The following UNC5B variants were observed in gnomAD, a reference collection of about 807,000 sequenced individuals.
UNC5B encodes the protein netrin receptor UNC5B.
UNC5B carries 56 observed loss-of-function variants against 103.7 expected under a neutral mutation model. That is an observed-to-expected ratio of 0.54 (90% CI 0.44 to 0.67). The LOEUF is 0.67. Ranked by LOEUF, UNC5B falls within the 30% of genes least tolerant of loss-of-function variation. UNC5B has a pLI of 0.00. For missense variants in UNC5B, 1,194 were observed against 1,284.5 expected, an observed-to-expected ratio of 0.93 and a Z score of 1.08; for synonymous variants, 577 against 542.0, an observed-to-expected ratio of 1.06 and a Z score of -0.90.
chr10:71,260,928 C>T (rs965467459), intron 1 of UNC5B, among the ~76,000 whole-genome samples: 5 of 152,220 alleles, frequency 3.3e-5, no homozygotes, highest in Admixed American at 2.0e-4. Flanking sequence ...GCTGGGACAC[C>T]TCCGCTGCTG....
chr10:71,295,648 C>T (rs113638899), intron 13 of UNC5B, among the ~76,000 whole-genome samples, 163 bp from the exon 14 acceptor site: 76 of 152,308 alleles, frequency 5.0e-4, no homozygotes, highest in Middle Eastern at 3.4e-3. Flanking sequence ...TCTATCCATC[C>T]GTCATCTATT....
intron 1 of UNC5B, among the ~76,000 whole-genome samples, chr10:71,279,113 G>A (rs1844847850): frequency 6.6e-6 from 1 of 152,194 alleles, no homozygotes; most frequent in Non-Finnish European, 1.5e-5. Context: ...GCTGTGCTGA[G>A]GGCTGGATCT....
rs559747759 is a variant in UNC5B at position 71,255,633 on chromosome 10, G to A, written c.80-24188G>A. Among the ~76,000 whole-genome samples the A allele has an allele frequency of 2.3e-4, 35 of 152,318 alleles. 2 individuals carry two copies. Among genetic ancestry groups the A allele is most frequent in the Admixed American group, 9.8e-4 (15 of 15,294 alleles). ...ATCCCCAGTCAGATCTGGAATGAGC[G>A]GAAGCCCTTTAAAGTAATTTGCTCT... On this transcript the variant is annotated intron_variant, in intron 1 of 16. Coordinates refer to ENST00000335350, the MANE Select transcript of UNC5B (RefSeq NM_170744.5).
At chr10:71,249,427 G>GA (rs1256064605) in intron 1 of UNC5B, among the ~76,000 whole-genome samples, 1 of 152,240 alleles carries the variant, frequency 6.6e-6, no homozygotes, top group South Asian at 2.1e-4. Flanking sequence ...AGGGGGTGGG[G>GA]ACAAAAGTGA....
At chr10:71,225,868 A>ACAC (rs1843552459) in intron 1 of UNC5B, among the ~76,000 whole-genome samples, 2 of 111,260 alleles carry the variant, frequency 1.8e-5, no homozygotes, top group Non-Finnish European at 4.7e-5. Flanking sequence ...GACACCCTGC[A>ACAC]GACACTACCT....
At chr10:71,242,172 T>C (rs1026774791) in intron 1 of UNC5B, among the ~76,000 whole-genome samples, 2 of 152,164 alleles carry the variant, frequency 1.3e-5, no homozygotes, top group African/African-American at 4.8e-5. Context: ...AGGCCCTCCC[T>C]GTGACTCCCT....
At chr10:71,257,391 A>G (rs926195645) in intron 1 of UNC5B, among the ~76,000 whole-genome samples, 1 of 152,236 alleles carries the variant, frequency 6.6e-6, no homozygotes, top group African/African-American at 2.4e-5. Flanking sequence ...ACCTCAGTTC[A>G]GATGTCTCAG....
chr10:71,297,940 C>T lies in UNC5B; in HGVS notation c.2522C>T (p.Ser841Phe), dbSNP rs956882402. The T allele has an allele frequency of 1.9e-6, 3 of 1,613,650 alleles. No homozygotes were observed. Among genetic ancestry groups the T allele is most frequent in the Non-Finnish European group, 2.5e-6 (3 of 1,179,856 alleles). ...TPAGSLDTLC[S>F]APGSTVTTQL... ...GCTGGCTCCCTGGACACTCTCTGCT[C>T]TGCCCCTGGCAGCACTGTCACCACC... The change falls in exon 16 of 17, where the codon TCT becomes TTT. Residue 841 changes from serine to phenylalanine, a missense_variant. Transcript: ENST00000335350.
chr10:71,285,209 G>A, intron 3 of UNC5B, 117 bp from the exon 4 acceptor site: 5 of 1,086,262 alleles, frequency 4.6e-6, no homozygotes, highest in Non-Finnish European at 6.8e-6. Context: ...GCAAAGGCCA[G>A]GTGGGCCCAT....
chr10:71,226,424 A>G (rs1307124516), intron 1 of UNC5B, among the ~76,000 whole-genome samples: 1 of 152,202 alleles, frequency 6.6e-6, no homozygotes, highest in Non-Finnish European at 1.5e-5. Flanking sequence ...CCACCCATGT[A>G]TCATTAGGGT....
At chr10:71,237,669 T>C (rs897361879) in intron 1 of UNC5B, among the ~76,000 whole-genome samples, 1 of 152,160 alleles carries the variant, frequency 6.6e-6, no homozygotes, top group Admixed American at 6.5e-5. Flanking sequence ...TGCGGTGAAG[T>C]CCGTATTGGA....
At position 71,296,640 on chromosome 10, in the gene UNC5B, G is replaced by A. The variant is rs1402406512; in HGVS notation, c.2388G>A (p.Leu796=). ...SQKALHCTFT[L]ERHSLASTEL... ...AGGCCCTCCACTGCACTTTCACCCT[G>A]GAGAGGCACAGCTTGGCCTCCACAG... The change falls in exon 15 of 17, where the codon CTG becomes CTA. Residue 796 remains leucine (L), a synonymous_variant. Coordinates refer to ENST00000335350, the MANE Select transcript of UNC5B (RefSeq NM_170744.5). The A allele has an allele frequency of 1.9e-6, 3 of 1,614,080 alleles. No homozygotes were observed. Among genetic ancestry groups the A allele is most frequent in the Non-Finnish European group, 2.5e-6 (3 of 1,180,034 alleles).
chr10:71,292,889 C>T (rs1339650458), intron 11 of UNC5B, among the ~76,000 whole-genome samples: 1 of 152,236 alleles, frequency 6.6e-6, no homozygotes, highest in Non-Finnish European at 1.5e-5. Flanking sequence ...CACACAAACA[C>T]ACTGGCCAGT....
intron 16 of UNC5B, among the ~76,000 whole-genome samples, chr10:71,298,358 C>T (rs1417034392): frequency 6.6e-6 from 1 of 152,222 alleles, no homozygotes; most frequent in Admixed American, 6.5e-5. Flanking sequence ...GGATAATGCT[C>T]CACCTGCCCA....
Position 71,299,329 on chromosome 10 carries a change from G to A in UNC5B, c.*52G>A. The A allele has an allele frequency of 1.9e-6, 3 of 1,601,742 alleles. No homozygotes were observed. Among genetic ancestry groups the A allele is most frequent in the Non-Finnish European group, 2.6e-6 (3 of 1,174,886 alleles). On this transcript the variant is annotated 3_prime_UTR_variant, in exon 17 of 17. Coordinates refer to ENST00000335350, the MANE Select transcript of UNC5B (RefSeq NM_170744.5). ...GACTGGCAGGAGGCAGGTGCAGGGA[G>A]GCCTGGGGCAGCCTCCTGATGGGGA...
intron 1 of UNC5B, among the ~76,000 whole-genome samples, chr10:71,224,939 C>T (rs12355039): frequency 0.065 from 9,909 of 152,304 alleles, 455 homozygotes; most frequent in Non-Finnish European, 0.092. Flanking sequence ...CAAAGCCCAT[C>T]GCTGTAAAGC....
rs767586535 is a variant in UNC5B, at chr10:71,291,798, G to A, written c.1661G>A (p.Gly554Glu). Residue 554 changes from glycine to glutamate, a missense_variant, in exon 10 of 17, where the codon GGG becomes GAG. Physicochemically the swap from Gly to Glu is moderately conservative, Grantham distance 98. Transcript: ENST00000335350. ...AGCGGCACCTTTGGCTGCCTGGGTG[G>A]GAGGCTCAGCATCCCCGGCACAGGT... Reference protein sequence around the residue: ...SVSGTFGCLGGRLSIPGTGVS... With the variant: ...SVSGTFGCLGERLSIPGTGVS... The A allele has an allele frequency of 6.2e-7, 1 of 1,602,154 alleles. No individual in the cohort carries two copies. Among genetic ancestry groups the A allele is most frequent in the Non-Finnish European group, 8.5e-7 (1 of 1,178,346 alleles).
chr10:71,270,984 A>T (rs977499060), intron 1 of UNC5B, among the ~76,000 whole-genome samples: 76 of 152,118 alleles, frequency 5.0e-4, no homozygotes, highest in African/African-American at 1.8e-3. Context: ...CTGTGGATGT[A>T]ACCTGGCTGG....
At position 71,302,619 on chromosome 10, in the gene UNC5B, G is replaced by T. The variant is rs1845605777; in HGVS notation, c.*3342G>T. The T allele has an allele frequency of 6.6e-6, 1 of 152,000 alleles. No homozygotes were observed. The highest frequency in any genetic ancestry group is 2.4e-5 in the African/African-American group (1 of 41,366). The allele number at this position is 152,000 out of a possible 1,614,324, so 9.4% of individuals were successfully genotyped here. On this transcript the variant is annotated 3_prime_UTR_variant, in exon 17 of 17. Coordinates refer to ENST00000335350, the MANE Select transcript of UNC5B (RefSeq NM_170744.5). The stretch of plus-strand genomic sequence containing the variant: ...CCCCAGCTCCTAGGCAGCTGAGCCG[G>T]GTCCCTTAGGGGAGGTGACCAGGAG...
Sources: gnomAD v4.1 joint callset for allele counts (sites outside exome capture counted in the v4.1 genomes callset) on GRCh38, gnomAD v4.1.1 for gene constraint, MANE v1.5 for transcripts, NCBI Gene and HGNC (gene_info 2026-07-23, HGNC 2026-07-21) for gene names.